Variants in FOXP1 observed in about 807,000 individuals in gnomAD.
FOXP1 encodes forkhead box P1.
In FOXP1, 15 loss-of-function variants were observed where a neutral mutation model predicts 98.2. The ratio of observed to expected loss-of-function variants is 0.15; its 90% CI spans 0.10 to 0.24. FOXP1 has a LOEUF of 0.24. FOXP1 is among the 10% of genes least tolerant of loss of function. The pLI, the probability that FOXP1 is intolerant of heterozygous loss-of-function variation, is 1.00. For synonymous variants in FOXP1, 371 were observed against 314.5 expected, an observed-to-expected ratio of 1.18 and a Z score of -1.90; for missense variants, 633 against 848.5, an observed-to-expected ratio of 0.75 and a Z score of 3.15.
At position 71,248,301 on chromosome 3, in the gene FOXP1, T is replaced by A. The variant is rs182425656; in HGVS notation, c.-11-49909A>T. ...TAACTCTCATAACTAATATTCAAAA[T>A]CTGTAGGATCTCGTGTTTCCTATGT... On this transcript the variant is annotated intron_variant, in intron 5 of 20. Transcript: ENST00000649528. 4.6e-5 allele frequency among the ~76,000 whole-genome samples: 7 copies of A among 152,142 alleles called. No homozygotes were observed. The East Asian group carries it at 1.4e-3, about 29-fold the overall frequency.
intron 6 of FOXP1, among the ~76,000 whole-genome samples, chr3:71,124,216 A>C (rs72949349): frequency 0.024 from 3,571 of 151,862 alleles, 158 homozygotes; most frequent in African/African-American, 0.082. Context: ...AAACAAAGTC[A>C]TTTCTATTTG....
At chr3:71,354,231 T>C (rs1053332254) in intron 4 of FOXP1, among the ~76,000 whole-genome samples, 1 of 151,302 alleles carries the variant, frequency 6.6e-6, no homozygotes, top group Admixed American at 6.6e-5. Flanking sequence ...TGAGCTGAGA[T>C]TGCGCCACTG....
chr3:71,063,147 G>A (rs1274518901), intron 7 of FOXP1, among the ~76,000 whole-genome samples: 2 of 152,236 alleles, frequency 1.3e-5, no homozygotes, highest in Non-Finnish European at 2.9e-5. Flanking sequence ...AAGTCAGCCA[G>A]TGTCTCTGGG....
At chr3:71,388,780 G>A (rs1447891080) in intron 3 of FOXP1, among the ~76,000 whole-genome samples, 1 of 152,178 alleles carries the variant, frequency 6.6e-6, no homozygotes, top group Non-Finnish European at 1.5e-5. Context: ...AAGGCGGACA[G>A]ATAAAAATGA....
At chr3:71,063,905 TAAAGGTCCTCTCCTTCCC>T (rs1188547067) in intron 7 of FOXP1, among the ~76,000 whole-genome samples, 1 of 152,168 alleles carries the variant, frequency 6.6e-6, no homozygotes, top group Non-Finnish European at 1.5e-5. Context: ...ACCCACTTCC[TAAAGGTCCTCTCCTTCCC>T]AACACCGTAC....
intron 7 of FOXP1, among the ~76,000 whole-genome samples, 186 bp from the exon 8 acceptor site, chr3:71,053,959 A>G (rs2050262724): frequency 6.6e-6 from 1 of 152,238 alleles, no homozygotes; most frequent in Admixed American, 6.5e-5. Flanking sequence ...TTTTAAAGAA[A>G]GAAAAGTAAA....
At position 71,070,144 on chromosome 3, in the gene FOXP1, A is replaced by G. The variant is rs552366335; in HGVS notation, c.283-16371T>C. Among the ~76,000 whole-genome samples, 9 of 152,358 alleles carry G rather than the reference A, an allele frequency of 5.9e-5. No individual in the cohort carries two copies. In the East Asian group the frequency reaches 1.4e-3, roughly 23 times the overall value. ...ACAGAGAAAGGACATGTAATGAACT[A>G]TTAACTGGAATATATAAATTAAGAC... On this transcript the variant is annotated intron_variant, in intron 7 of 20. Coordinates refer to ENST00000649528, the MANE Select transcript of FOXP1 (RefSeq NM_001349338.3).
intron 13 of FOXP1, among the ~76,000 whole-genome samples, chr3:70,999,785 C>T (rs1300122766): frequency 6.6e-6 from 1 of 152,222 alleles, no homozygotes; most frequent in East Asian, 1.9e-4. Flanking sequence ...TGACTTAACT[C>T]AGTAAAATTC....
At chr3:71,123,345 C>T (rs752081472) in intron 6 of FOXP1, among the ~76,000 whole-genome samples, 1 of 152,196 alleles carries the variant, frequency 6.6e-6, no homozygotes, top group Non-Finnish European at 1.5e-5. Context: ...TCTCTGCTCT[C>T]TCGCACGCTG....
At chr3:71,177,969 G>C (rs1480333121) in intron 6 of FOXP1, among the ~76,000 whole-genome samples, 3 of 148,782 alleles carry the variant, frequency 2.0e-5, no homozygotes, top group Admixed American at 6.8e-5. Context: ...CCTAGTATCT[G>C]GGACCACAGG....
rs560057766 is a variant in FOXP1, at chr3:71,447,663, T to C, written c.-168+45763A>G. 2.6e-5 allele frequency among the ~76,000 whole-genome samples: 4 copies of C among 152,334 alleles called. No individual in the cohort carries two copies. The East Asian group carries it at 7.7e-4, about 29-fold the overall frequency. On this transcript the variant is annotated intron_variant, in intron 3 of 20. Transcript: ENST00000649528. ...GTTCTTTAAAGGAAGCTCATCCACG[T>C]CCAGCGTGCCCTACCTGTTCAGACA...
chr3:71,308,535 G>C (rs927496488), intron 4 of FOXP1, among the ~76,000 whole-genome samples: 3 of 152,000 alleles, frequency 2.0e-5, no homozygotes, highest in African/African-American at 7.3e-5. Context: ...GACTAAACCC[G>C]GCAGAGATTT....
In FOXP1 at chr3:71,380,698, A is replaced by ATTT. The variant is rs11395817; in HGVS notation, c.-167-21457_-167-21455dup. Among the ~76,000 whole-genome samples, 960 of 100,266 alleles carry ATTT rather than the reference A, an allele frequency of 9.6e-3. 32 individuals carry two copies. Among genetic ancestry groups the ATTT allele is most frequent in the African/African-American group, 0.019 (497 of 25,852 alleles). The allele number at this position is 100,266 out of a possible 152,430, so 65.8% of individuals were successfully genotyped here. A position where few individuals can be genotyped will look rare whatever the true frequency, so the allele number is the denominator to read the frequency against. On this transcript the variant is annotated intron_variant, in intron 3 of 20. Transcript: ENST00000649528. ...CAGTTTGACTATACTCTTTTTAGAC[A>ATTT]TTTTTTTTTTTTTTTTTTTTTGCAA...
intron 7 of FOXP1, among the ~76,000 whole-genome samples, chr3:71,111,540 G>A (rs1487946700): frequency 1.3e-5 from 2 of 152,114 alleles, no homozygotes; most frequent in African/African-American, 4.8e-5. Context: ...TGGGATTACA[G>A]GCACCCGCCA....
rs10529764 is a variant in FOXP1, at chr3:71,208,536, T to TTCTGTGTGTGTGTGTG, written c.-11-10145_-11-10144insCACACACACACACAGA. Among the ~76,000 whole-genome samples, 343 of 149,446 alleles carry TTCTGTGTGTGTGTGTG rather than the reference T, an allele frequency of 2.3e-3. 2 individuals are homozygous for TTCTGTGTGTGTGTGTG. The highest frequency in any genetic ancestry group is 7.5e-3 in the African/African-American group (301 of 40,360). ...TTTATCAAAATTCTAGCATTTAAGT[T>TTCTGTGTGTGTGTGTG]TGTGTGTGTGTGTGTGTGTGTGTGT... On this transcript the variant is annotated intron_variant, in intron 5 of 20. Coordinates refer to ENST00000649528, the MANE Select transcript of FOXP1 (RefSeq NM_001349338.3).
chr3:71,299,045 C>T (rs192714013), intron 5 of FOXP1, among the ~76,000 whole-genome samples: 2 of 152,156 alleles, frequency 1.3e-5, no homozygotes, highest in Non-Finnish European at 2.9e-5. Context: ...GTTAAAACGA[C>T]CGGCAGGATC....
chr3:71,361,149 T>A (rs1156937462), intron 3 of FOXP1, among the ~76,000 whole-genome samples: 1 of 152,210 alleles, frequency 6.6e-6, no homozygotes, highest in Non-Finnish European at 1.5e-5. Flanking sequence ...GTTTTTAAGA[T>A]AATTTCAGTT....
chr3:71,495,782 T>C (rs2091365643), intron 2 of FOXP1, among the ~76,000 whole-genome samples: 1 of 152,204 alleles, frequency 6.6e-6, no homozygotes, highest in African/African-American at 2.4e-5. Context: ...TCCTGAGTTT[T>C]TGTGATATAC....
At chr3:71,347,710 A>T (rs1473528697) in intron 4 of FOXP1, among the ~76,000 whole-genome samples, 1 of 151,650 alleles carries the variant, frequency 6.6e-6, no homozygotes. Flanking sequence ...ACATAGAGAA[A>T]CCCCGTCTCT....
Sources: allele counts gnomAD v4.1 joint callset (sites outside exome capture counted in the v4.1 genomes callset), GRCh38; gene constraint gnomAD v4.1.1; transcripts MANE v1.5; gene names NCBI Gene and HGNC (gene_info 2026-07-23, HGNC 2026-07-21).